Variants in NEDD4 observed in about 807,000 individuals in gnomAD.
NEDD4 encodes E3 ubiquitin-protein ligase NEDD4.
A neutral mutation model predicts 144.9 loss-of-function variants in NEDD4; 99 were observed. That is an observed-to-expected ratio of 0.68 (90% CI 0.58 to 0.81). The LOEUF (loss-of-function observed/expected upper bound fraction) is 0.81. NEDD4 is among the 30% of genes least tolerant of loss of function. The pLI is 0.00. For synonymous variants in NEDD4, 318 were observed against 350.6 expected, an observed-to-expected ratio of 0.91 and a Z score of 1.04; for missense variants, 985 against 1,065.9, an observed-to-expected ratio of 0.92 and a Z score of 1.06.
chr15:55,955,110 C>A (rs1351297230), intron 2 of NEDD4, among the ~76,000 whole-genome samples: 1 of 152,124 alleles, frequency 6.6e-6, no homozygotes, highest in African/African-American at 2.4e-5. Flanking sequence ...AAACCTCTGC[C>A]TCCCGGGCTC....
intron 2 of NEDD4, among the ~76,000 whole-genome samples, chr15:55,964,967 C>T (rs559420456): frequency 6.6e-6 from 1 of 152,006 alleles, no homozygotes; most frequent in Non-Finnish European, 1.5e-5. Context: ...TCCACTCTTG[C>T]TATGTGATTT....
At chr15:55,983,590 AAATT>A (rs764028608) in intron 1 of NEDD4, among the ~76,000 whole-genome samples, 5 of 151,290 alleles carry the variant, frequency 3.3e-5, no homozygotes, top group South Asian at 2.1e-4. Flanking sequence ...ACACCATATA[AAATT>A]AATTAATTTT....
chr15:55,917,631 C>A (rs2036487620), intron 5 of NEDD4, among the ~76,000 whole-genome samples: 1 of 151,874 alleles, frequency 6.6e-6, no homozygotes, highest in Non-Finnish European at 1.5e-5. Context: ...ACAAAATTAA[C>A]CTAGTAATAC....
At chr15:55,873,242 C>T (rs1410486539) in intron 6 of NEDD4, among the ~76,000 whole-genome samples, 1 of 152,140 alleles carries the variant, frequency 6.6e-6, no homozygotes, top group Non-Finnish European at 1.5e-5. Flanking sequence ...GCCCATTATT[C>T]TCAGAGATTC....
intron 5 of NEDD4, chr15:55,915,165 C>T: frequency 3.7e-6 from 3 of 804,344 alleles, no homozygotes; most frequent in Non-Finnish European, 5.6e-6. Flanking sequence ...CTACAAAATA[C>T]TGCTAGCTAA....
chr15:55,984,215 A>T (rs1165676756), intron 1 of NEDD4, among the ~76,000 whole-genome samples: 1 of 152,214 alleles, frequency 6.6e-6, no homozygotes, highest in Non-Finnish European at 1.5e-5. Flanking sequence ...TTCCATTCAC[A>T]TTCATCATAT....
At chr15:55,916,286 A>G in intron 5 of NEDD4, 1 of 1,614,060 alleles carries the variant, frequency 6.2e-7, no homozygotes, top group South Asian at 1.1e-5. Flanking sequence ...TGACACTGTT[A>G]GTATATGAAC....
chr15:55,977,760 A>G (rs1438782022), intron 1 of NEDD4, among the ~76,000 whole-genome samples: 1 of 151,770 alleles, frequency 6.6e-6, no homozygotes, highest in Non-Finnish European at 1.5e-5. Context: ...ATTTAAAAAG[A>G]TTATCCTTTT....
At chr15:55,917,932 A>G (rs1854029989) in intron 5 of NEDD4, among the ~76,000 whole-genome samples, 1 of 152,146 alleles carries the variant, frequency 6.6e-6, no homozygotes, top group South Asian at 2.1e-4. Flanking sequence ...GTGGTAAGTA[A>G]AGAAGTCTAA....
chr15:55,837,772 T>A lies in NEDD4; in HGVS notation c.2262+17A>T, dbSNP rs1442701573. On this transcript the variant is annotated intron_variant, in intron 24 of 28. Transcript: ENST00000435532. The stretch of plus-strand genomic sequence containing the variant: ...TACTGTGACATTATGGAAGAGCAAA[T>A]AAAAGAAAATGAATACCTCTTTAAA... 6.3e-7 allele frequency: 1 copy of A among 1,598,922 alleles called. No homozygotes were observed. The highest frequency in any genetic ancestry group is 8.6e-7 in the Non-Finnish European group (1 of 1,167,740).
In NEDD4 at chr15:55,932,992, A is replaced by C. The variant is rs574084545; in HGVS notation, c.238-8293T>G. On this transcript the variant is annotated intron_variant, in intron 4 of 28. Transcript: ENST00000435532. ...AAACGACAATGAGATACCATCTCAC[A>C]CCAGTTAGAATGGCGATCATTAAAA... Among the ~76,000 whole-genome samples the C allele has an allele frequency of 9.2e-3, 1,399 of 152,338 alleles. 10 individuals are homozygous for C. Among genetic ancestry groups the C allele is most frequent in the African/African-American group, 0.03 (1,229 of 41,578 alleles).
At position 55,951,430 on chromosome 15, in the gene NEDD4, CATAGT is replaced by C. The variant is rs1566966182; in HGVS notation, c.199-21_199-17del. ...GATTCAAACTCTAAAAAATAATAAA[CATAGT>C]ATAACTAAATAAGGTTTTGTCTTAT... is the stretch of plus-strand genomic sequence containing the variant. On this transcript the variant is annotated splice_polypyrimidine_tract_variant and intron_variant, in intron 3 of 28. Transcript: ENST00000435532. 8.7e-7 allele frequency: 1 copy of C among 1,150,238 alleles called. No homozygotes were observed. The highest frequency in any genetic ancestry group is 1.5e-5 in the South Asian group (1 of 66,020). 71.3% of individuals were successfully genotyped at this position (1,150,238 alleles called of 1,614,324 possible). A position where few individuals can be genotyped will look rare whatever the true frequency, so the allele number is the denominator to read the frequency against.
intron 18 of NEDD4, among the ~76,000 whole-genome samples, chr15:55,846,601 C>T (rs556479056): frequency 6.6e-5 from 10 of 152,124 alleles, no homozygotes; most frequent in Non-Finnish European, 1.5e-4. Context: ...TAAAAAAATC[C>T]AGACCGTCCT....
intron 9 of NEDD4, among the ~76,000 whole-genome samples, chr15:55,861,329 T>C (rs1566916917): frequency 6.6e-6 from 1 of 152,124 alleles, no homozygotes. Context: ...ATGGTATCTG[T>C]TTTTCGTAAT....
chr15:55,866,267 A>AT (rs34368278), intron 8 of NEDD4, among the ~76,000 whole-genome samples: 33,417 of 149,020 alleles, frequency 0.22, 3,977 homozygotes, highest in Non-Finnish European at 0.27. Context: ...TGTTCTCTCT[A>AT]TTTTTTCTTT....
At chr15:55,842,724 C>T (rs8031447) in intron 18 of NEDD4, among the ~76,000 whole-genome samples, 4,836 of 152,258 alleles carry the variant, frequency 0.032, 81 homozygotes, top group Admixed American at 0.037. Flanking sequence ...GAAGGCATTT[C>T]GTTAACAGTC....
intron 2 of NEDD4, among the ~76,000 whole-genome samples, chr15:55,954,999 A>G (rs1379289561): frequency 6.6e-6 from 1 of 152,084 alleles, no homozygotes; most frequent in Non-Finnish European, 1.5e-5. Flanking sequence ...ATTGTATTGC[A>G]TTGCACTGCA....
chr15:55,854,952 A>G (rs2034133273), intron 12 of NEDD4, among the ~76,000 whole-genome samples: 1 of 152,192 alleles, frequency 6.6e-6, no homozygotes, highest in Admixed American at 6.5e-5. Context: ...TATAGAGGAC[A>G]TTATAACGTG....
At chr15:55,957,863 A>G (rs998568264) in intron 2 of NEDD4, among the ~76,000 whole-genome samples, 6 of 152,182 alleles carry the variant, frequency 3.9e-5, no homozygotes, top group Non-Finnish European at 8.8e-5. Flanking sequence ...TAAGCAAACT[A>G]TCACACGGAC....
Sources: allele counts gnomAD v4.1 joint callset (sites outside exome capture counted in the v4.1 genomes callset), GRCh38; gene constraint gnomAD v4.1.1; transcripts MANE v1.5; gene names NCBI Gene and HGNC (gene_info 2026-07-23, HGNC 2026-07-21).